The following ULK4 variants were observed in gnomAD, a reference collection of about 807,000 sequenced individuals.
The protein encoded by ULK4 is inactive serine/threonine-protein kinase ULK4.
In ULK4, 133 loss-of-function variants were observed where a neutral mutation model predicts 160.6. That is an observed-to-expected ratio of 0.83 (90% CI 0.72 to 0.96). The LOEUF is 0.96. Among genes scored for constraint, ULK4 ranks in the 40% least tolerant of loss-of-function variants. The pLI, the probability that ULK4 is intolerant of heterozygous loss-of-function variation, is 0.00. For missense variants in ULK4, 1,580 were observed against 1,499.5 expected (o/e 1.05, Z -0.89); for synonymous variants, 534 against 539.8 (o/e 0.99, Z 0.15).
chr3:41,915,204 TG>T (rs1698924743), intron 8 of ULK4, among the ~76,000 whole-genome samples: 1 of 152,212 alleles, frequency 6.6e-6, no homozygotes, highest in Admixed American at 6.5e-5. Flanking sequence ...ACACTAATGT[TG>T]AAAGCATTCT....
chr3:41,935,900 G>A lies in ULK4; in HGVS notation c.279C>T (p.Leu93=), dbSNP rs772536374. The A allele has an allele frequency of 6.2e-7, 1 of 1,613,950 alleles. No homozygotes were observed. Among genetic ancestry groups the A allele is most frequent in the Non-Finnish European group, 8.5e-7 (1 of 1,179,958 alleles). Residue 93 remains leucine (L), a synonymous_variant, in exon 4 of 37, where the codon CTC becomes CTT. Transcript: ENST00000301831. ...CAAATTCTCTCACAACATCTTCTGGGAGGTTTTCATCTTGAGCAATAACTG... is the reference window on the plus strand; with the variant it reads ...CAAATTCTCTCACAACATCTTCTGGAAGGTTTTCATCTTGAGCAATAACTG... ...LKTVIAQDEN[L]PEDVVREFGI... is the part of the protein sequence containing the mutation.
intron 19 of ULK4, among the ~76,000 whole-genome samples, chr3:41,801,847 T>A (rs2040468993): frequency 6.6e-6 from 1 of 151,072 alleles, no homozygotes; most frequent in African/African-American, 2.4e-5. Flanking sequence ...CAAGACCCTG[T>A]CTCAAAAATA....
At chr3:41,339,450 G>A (rs1463042386) in intron 35 of ULK4, among the ~76,000 whole-genome samples, 1 of 152,138 alleles carries the variant, frequency 6.6e-6, no homozygotes, top group Non-Finnish European at 1.5e-5. Flanking sequence ...GAATCAGGAT[G>A]AAGCCACCCT....
intron 16 of ULK4, among the ~76,000 whole-genome samples, chr3:41,886,338 T>C (rs1267646217): frequency 6.6e-6 from 1 of 152,158 alleles, no homozygotes; most frequent in Non-Finnish European, 1.5e-5. Context: ...GGCAGGGCTG[T>C]ATCCCGATCG....
chr3:41,939,126 T>C (rs1226891783), intron 2 of ULK4, among the ~76,000 whole-genome samples: 1 of 150,384 alleles, frequency 6.6e-6, no homozygotes, highest in African/African-American at 2.4e-5. Context: ...ACTCAAAAAC[T>C]AGAAGGAAAC....
At chr3:41,532,929 A>C (rs981289547) in intron 32 of ULK4, among the ~76,000 whole-genome samples, 8 of 152,176 alleles carry the variant, frequency 5.3e-5, no homozygotes, top group Non-Finnish European at 8.8e-5. Context: ...CCTTGAACCA[A>C]TATGGCTTAG....
At chr3:41,321,809 ACT>A (rs1028054937) in intron 35 of ULK4, among the ~76,000 whole-genome samples, 1 of 143,352 alleles carries the variant, frequency 7.0e-6, no homozygotes, top group African/African-American at 2.7e-5. Context: ...TTTAGTAAAC[ACT>A]CTGTGCCTGC....
chr3:41,638,542 C>A (rs1295572682), intron 30 of ULK4, among the ~76,000 whole-genome samples: 1 of 152,088 alleles, frequency 6.6e-6, no homozygotes, highest in African/African-American at 2.4e-5. Flanking sequence ...TATGCTATGG[C>A]AAAGAATGTT....
chr3:41,508,373 G>T (rs2085464720), intron 32 of ULK4, among the ~76,000 whole-genome samples: 1 of 152,074 alleles, frequency 6.6e-6, no homozygotes, highest in East Asian at 1.9e-4. Context: ...GAAAACAAAG[G>T]ATATAATCTC....
intron 14 of ULK4, among the ~76,000 whole-genome samples, chr3:41,898,119 GA>G (rs1008624299): frequency 3.9e-5 from 6 of 152,076 alleles, no homozygotes; most frequent in Non-Finnish European, 8.8e-5. Flanking sequence ...ATAAATGGTG[GA>G]AATTCAACCA....
intron 18 of ULK4, among the ~76,000 whole-genome samples, chr3:41,824,155 T>C (rs1198996757): frequency 3.0e-5 from 4 of 132,794 alleles, no homozygotes; most frequent in African/African-American, 9.8e-5. Flanking sequence ...AGAATGAGAC[T>C]CTATCTTTAA....
chr3:41,305,442 C>T (rs1015274757), intron 35 of ULK4, among the ~76,000 whole-genome samples: 4 of 152,258 alleles, frequency 2.6e-5, no homozygotes, highest in African/African-American at 4.8e-5. Flanking sequence ...GGCCGGTCTC[C>T]AGCCCCTAAC....
chr3:41,275,474 A>G (rs549123645), intron 35 of ULK4, among the ~76,000 whole-genome samples: 1 of 152,370 alleles, frequency 6.6e-6, no homozygotes, highest in East Asian at 1.9e-4. Context: ...ACTTAAAAAG[A>G]ATGCCTACAA....
At chr3:41,283,655 G>T (rs2079404136) in intron 35 of ULK4, among the ~76,000 whole-genome samples, 1 of 152,154 alleles carries the variant, frequency 6.6e-6, no homozygotes, top group Non-Finnish European at 1.5e-5. Context: ...CGGGTAGGGG[G>T]CTGGGGGAGG....
chr3:41,353,124 C>G (rs2080945266), intron 35 of ULK4, among the ~76,000 whole-genome samples: 1 of 152,154 alleles, frequency 6.6e-6, no homozygotes, highest in African/African-American at 2.4e-5. Flanking sequence ...GATACTGTCT[C>G]CTGCCTACTA....
At chr3:41,961,051 G>A (rs957824646) in intron 1 of ULK4, among the ~76,000 whole-genome samples, 1 of 152,138 alleles carries the variant, frequency 6.6e-6, no homozygotes, top group Non-Finnish European at 1.5e-5. Flanking sequence ...AGAAACCACA[G>A]TTTAGTCTCT....
intron 35 of ULK4, among the ~76,000 whole-genome samples, chr3:41,283,158 G>A (rs1259476861): frequency 2.0e-5 from 3 of 152,216 alleles, no homozygotes; most frequent in Non-Finnish European, 2.9e-5. Flanking sequence ...ACAGATGCTG[G>A]AAAGGATGTG....
intron 32 of ULK4, among the ~76,000 whole-genome samples, chr3:41,522,129 C>CT (rs57720185): frequency 0.33 from 44,950 of 135,774 alleles, 7,784 homozygotes; most frequent in African/African-American, 0.39. Flanking sequence ...TCTTTTTTTT[C>CT]TTTTTTTTTT....
intron 21 of ULK4, among the ~76,000 whole-genome samples, chr3:41,781,121 GAGAC>G (rs1298592239): frequency 1.3e-5 from 2 of 152,156 alleles, no homozygotes; most frequent in Admixed American, 6.5e-5. Flanking sequence ...AGAGAGAGGA[GAGAC>G]AGACAGAAGA....
Sources: allele counts gnomAD v4.1 joint callset (sites outside exome capture counted in the v4.1 genomes callset), GRCh38; gene constraint gnomAD v4.1.1; transcripts MANE v1.5; gene names NCBI Gene and HGNC (gene_info 2026-07-23, HGNC 2026-07-21).